The following DENND4A variants were observed in gnomAD, a reference collection of about 807,000 sequenced individuals.
The protein encoded by DENND4A is DENN domain containing 4A.
DENND4A carries 70 observed loss-of-function variants against 199.3 expected under a neutral mutation model. That is an observed-to-expected ratio of 0.35 (90% CI 0.29 to 0.43). DENND4A has a LOEUF of 0.43. Ranked by LOEUF, DENND4A falls within the 20% of genes least tolerant of loss-of-function variation. DENND4A has a pLI of 1.00. For missense variants in DENND4A, 1,723 were observed against 2,255.8 expected (o/e 0.76, Z 4.78); for synonymous variants, 686 against 766.9 (o/e 0.89, Z 1.74).
intron 1 of DENND4A, among the ~76,000 whole-genome samples, chr15:65,790,271 A>C (rs2077679567): frequency 6.6e-6 from 1 of 152,160 alleles, no homozygotes; most frequent in Non-Finnish European, 1.5e-5. Flanking sequence ...ATCAGCATCA[A>C]CTTCCTGGCT....
intron 11 of DENND4A, among the ~76,000 whole-genome samples, chr15:65,723,719 C>A (rs1278974859): frequency 1.3e-5 from 2 of 151,916 alleles, no homozygotes; most frequent in Non-Finnish European, 2.9e-5. Flanking sequence ...AGTAAGGGAT[C>A]GATAACAATA....
At chr15:65,737,284 C>G (rs1481133629) in intron 7 of DENND4A, among the ~76,000 whole-genome samples, 1 of 152,126 alleles carries the variant, frequency 6.6e-6, no homozygotes. Flanking sequence ...GTCTCAAACT[C>G]CTGGACTCAA....
chr15:65,668,213 T>C (rs1018746572), intron 27 of DENND4A, 90 bp from the exon 28 acceptor site: 32 of 857,210 alleles, frequency 3.7e-5, no homozygotes, highest in African/African-American at 2.7e-4. Context: ...TCTCTCTCTT[T>C]TTTTTTTTTT....
At chr15:65,708,664 A>G (rs992747569) in intron 14 of DENND4A, among the ~76,000 whole-genome samples, 9 of 151,508 alleles carry the variant, frequency 5.9e-5, no homozygotes, top group Admixed American at 5.3e-4. Context: ...CCACAGCAGG[A>G]TAAAATTAAA....
chr15:65,757,898 T>G (rs1243221648), intron 2 of DENND4A, among the ~76,000 whole-genome samples: 2 of 152,060 alleles, frequency 1.3e-5, no homozygotes, highest in Non-Finnish European at 2.9e-5. Flanking sequence ...GGAGAATCGC[T>G]TGAACCCAGG....
chr15:65,781,926 C>A (rs1567107968), intron 1 of DENND4A, among the ~76,000 whole-genome samples: 1 of 152,142 alleles, frequency 6.6e-6, no homozygotes, highest in African/African-American at 2.4e-5. Flanking sequence ...AGTAATGGGA[C>A]AGAGTTTCTT....
intron 12 of DENND4A, among the ~76,000 whole-genome samples, chr15:65,718,242 AG>A (rs1373197579): frequency 1.3e-5 from 2 of 152,160 alleles, no homozygotes; most frequent in African/African-American, 4.8e-5. Context: ...AAAAAAGCTC[AG>A]GTCGGTCATG....
intron 13 of DENND4A, among the ~76,000 whole-genome samples, chr15:65,717,221 A>G (rs941072054): frequency 1.3e-5 from 2 of 152,048 alleles, no homozygotes; most frequent in African/African-American, 4.8e-5. Context: ...GGAGGTACTC[A>G]ATATATACTT....
chr15:65,740,094 T>C (rs1258025613), intron 5 of DENND4A, among the ~76,000 whole-genome samples: 5 of 151,778 alleles, frequency 3.3e-5, no homozygotes, highest in African/African-American at 7.3e-5. Flanking sequence ...GGCAGGAGAA[T>C]TGCTTGAACT....
chr15:65,772,223 A>T, intron 1 of DENND4A: 1 of 591,444 alleles, frequency 1.7e-6, no homozygotes, highest in East Asian at 2.8e-5. Context: ...AGGTCTAGAG[A>T]CAGGAAATCA....
chr15:65,769,906 T>C (rs2727098), intron 1 of DENND4A, among the ~76,000 whole-genome samples: 30,081 of 151,994 alleles, frequency 0.2, 3,998 homozygotes, highest in East Asian at 0.73. Context: ...CAAATAGTTT[T>C]ATCTCCAGTA....
At position 65,660,306 on chromosome 15, in the gene DENND4A, T is replaced by C; in HGVS notation, c.*1545A>G. 6.5e-7 allele frequency: 1 copy of C among 1,535,312 alleles called. No homozygotes were observed. Among genetic ancestry groups the C allele is most frequent in the Non-Finnish European group, 8.7e-7 (1 of 1,146,564 alleles). ...TTGGAAGCTGTGAAATGTTTCAGCA[T>C]GGTGCTATTCACTAATGGTGTGAAC... On this transcript the variant is annotated 3_prime_UTR_variant, in exon 33 of 33. Transcript: ENST00000443035.
intron 14 of DENND4A, among the ~76,000 whole-genome samples, chr15:65,709,887 A>G (rs970877814): frequency 2.0e-5 from 3 of 151,704 alleles, no homozygotes; most frequent in African/African-American, 2.4e-5. Context: ...ATTCATATAT[A>G]TAAGTGATCT....
rs372688072 is a variant in DENND4A at position 65,722,861 on chromosome 15, C to T, written c.1575G>A (p.Gln525=). 4.3e-5 allele frequency: 69 copies of T among 1,597,110 alleles called. No homozygotes were observed. The African/African-American group carries it at 5.7e-4, about 13-fold the overall frequency. Residue 525 remains glutamine, a synonymous_variant, in exon 12 of 33, where the codon CAG becomes CAA. Coordinates refer to ENST00000443035, the MANE Select transcript of DENND4A (RefSeq NM_001320835.1). The stretch of plus-strand genomic sequence containing the variant: ...TTATCCACTTACATTTTGCCAATTG[C>T]TGATGCAAATTATTCAGTGTGTTCA... The part of the protein sequence containing the change: ...NLMNTLNNLH[Q]QLAKLQQRPR...
In DENND4A at chr15:65,662,015, A is replaced by T. The variant is rs747285949; in HGVS notation, c.5588-28T>A. ...GCAGAAATTGATAAAGAAATAAAAG[A>T]ATAAAGAAATTTAGGTCTGATGTTG... On this transcript the variant is annotated intron_variant, in intron 32 of 32. Transcript: ENST00000443035. 12 of 1,580,130 alleles carry T rather than the reference A, an allele frequency of 7.6e-6. No individual in the cohort carries two copies. In the South Asian group the frequency reaches 1.3e-4, roughly 17 times the overall value.
chr15:65,677,035 C>A (rs990416113), intron 23 of DENND4A, among the ~76,000 whole-genome samples: 3 of 152,054 alleles, frequency 2.0e-5, no homozygotes, highest in African/African-American at 4.8e-5. Context: ...TTTGAGAACA[C>A]TGAAGTTAAA....
chr15:65,692,187 C>G (rs1347313047), intron 22 of DENND4A, among the ~76,000 whole-genome samples: 1 of 152,004 alleles, frequency 6.6e-6, no homozygotes, highest in Non-Finnish European at 1.5e-5. Context: ...TTAACTTTAT[C>G]CATAAATAAA....
chr15:65,663,476 T>G (rs1385695818), intron 32 of DENND4A, among the ~76,000 whole-genome samples: 4 of 152,098 alleles, frequency 2.6e-5, no homozygotes, highest in Admixed American at 6.5e-5. Context: ...CCTACAGTGT[T>G]GGGATTACAG....
At position 65,669,762 on chromosome 15, in the gene DENND4A, C is replaced by A; in HGVS notation, c.4787+17G>T. 1 of 1,584,182 alleles carries A rather than the reference C, an allele frequency of 6.3e-7. No individual in the cohort carries two copies. The highest frequency in any genetic ancestry group is 2.3e-5 in the East Asian group (1 of 44,182). ...AATATATGTTGTTAAAATATAGTTC[C>A]ACATAATCATAATTACCTATTTAGA... On this transcript the variant is annotated intron_variant, in intron 27 of 32. Coordinates refer to ENST00000443035, the MANE Select transcript of DENND4A (RefSeq NM_001320835.1).
Sources: allele counts gnomAD v4.1 joint callset (sites outside exome capture counted in the v4.1 genomes callset), GRCh38; gene constraint gnomAD v4.1.1; transcripts MANE v1.5; gene names NCBI Gene and HGNC (gene_info 2026-07-23, HGNC 2026-07-21).